BARHL1: variants seen among roughly 807,000 people sequenced by gnomAD.
The protein encoded by BARHL1 is BarH like homeobox 1.
Under a neutral mutation model 20.1 loss-of-function variants are expected in BARHL1, and 2 were observed. The observed-to-expected ratio is 0.10, with a 90% CI of 0.04 to 0.31. BARHL1 has a LOEUF of 0.31. Ranked by LOEUF, BARHL1 falls within the 10% of genes least tolerant of loss-of-function variation. The probability of loss-of-function intolerance (pLI) is 1.00; values close to 1 mark genes in which losing one functional copy is unlikely to be tolerated. For missense variants in BARHL1, 397 were observed against 454.0 expected (o/e 0.87, Z 1.14); for synonymous variants, 213 against 209.9 (o/e 1.01, Z -0.13).
chr9:132,589,515 C>G lies in BARHL1; in HGVS notation c.977C>G (p.Pro326Arg). ...GGCGTCCTCCCACGCGCCGCGCAGC[C>G]TCGGTGAGGCGCCCGTCGGCTCCGG... ...LAGVLPRAAQ[P>R]R Residue 326 changes from proline (P) to arginine (R), a missense_variant, in exon 3 of 3, where the codon CCT becomes CGT. Pro to Arg is a moderately radical substitution (Grantham distance 103). Coordinates refer to ENST00000263610, the MANE Select transcript of BARHL1 (RefSeq NM_020064.4). The G allele has an allele frequency of 7.5e-7, 1 of 1,331,296 alleles. No individual in the cohort carries two copies. The highest frequency in any genetic ancestry group is 9.6e-7 in the Non-Finnish European group (1 of 1,044,668). The allele number at this position is 1,331,296 out of a possible 1,614,324, so 82.5% of individuals were successfully genotyped here.
rs755944094 is a variant in BARHL1 at position 132,582,848 on chromosome 9, G to A, written c.51G>A (p.Ala17=). The A allele has an allele frequency of 1.2e-5, 19 of 1,608,758 alleles. No homozygotes were observed. The highest frequency in any genetic ancestry group is 1.0e-4 in the Admixed American group (6 of 59,904). ...FGIDSILSHR[A]GSPALPKGDP... Reference sequence around the variant, plus strand: ...TCGACTCCATTCTCTCCCACCGCGCGGGCAGCCCCGCCCTTCCCAAGGGGG... The same window carrying A: ...TCGACTCCATTCTCTCCCACCGCGCAGGCAGCCCCGCCCTTCCCAAGGGGG... The change falls in exon 1 of 3, where the codon GCG becomes GCA. Residue 17 remains alanine (A), a synonymous_variant. Transcript: ENST00000263610.
chr9:132,583,645 G>T (rs576799070), intron 1 of BARHL1, among the ~76,000 whole-genome samples: 16 of 152,336 alleles, frequency 1.1e-4, no homozygotes, highest in African/African-American at 3.4e-4. Flanking sequence ...AGACTGAAAG[G>T]GTTCTGCTTT....
chr9:132,583,583 G>T (rs1457989874), intron 1 of BARHL1, among the ~76,000 whole-genome samples: 2 of 152,234 alleles, frequency 1.3e-5, no homozygotes, highest in Non-Finnish European at 2.9e-5. Context: ...ACAGGAGCAG[G>T]TCCCAATCAG....
rs774173389 is a variant in BARHL1, at chr9:132,587,365, G to T, written c.503G>T (p.Arg168Met). The T allele has an allele frequency of 6.2e-7, 1 of 1,610,932 alleles. No individual in the cohort carries two copies. Among genetic ancestry groups the T allele is most frequent in the East Asian group, 2.2e-5 (1 of 44,814 alleles). ...EEGDREISSS[R>M]DSPPVRLKKP... ...GGCGACCGCGAGATCTCCAGCTCCA[G>T]GGACAGTCCCCCGGTGCGCCTGAAA... The change falls in exon 2 of 3, where the codon AGG becomes ATG. Residue 168 changes from arginine (R) to methionine (M), a missense_variant. Physicochemically the swap from Arg to Met is moderately conservative, Grantham distance 91. Transcript: ENST00000263610. The surrounding 1 kb of genome is among the most constrained non-coding windows in gnomAD (Gnocchi z 5.5).
chr9:132,582,733 G>T lies in BARHL1; in HGVS notation c.-65G>T. ...ATGCCAGCCCGCAGCTAGGGGCAGG[G>T]GCAGCGGCGGCTGGGGTTGGGGGTG... On this transcript the variant is annotated 5_prime_UTR_variant, in exon 1 of 3. Transcript: ENST00000263610. 7.2e-7 allele frequency: 1 copy of T among 1,391,326 alleles called. No homozygotes were observed. The highest frequency in any genetic ancestry group is 1.4e-5 in the South Asian group (1 of 71,082). 86.2% of individuals were successfully genotyped at this position (1,391,326 alleles called of 1,614,324 possible).
Position 132,589,755 on chromosome 9 carries a change from G to C in BARHL1, c.*233G>C, listed in dbSNP as rs953414761. The C allele has an allele frequency of 4.2e-6, 2 of 477,074 alleles. No homozygotes were observed. The highest frequency in any genetic ancestry group is 8.7e-5 in the East Asian group (2 of 23,050). 29.6% of individuals were successfully genotyped at this position (477,074 alleles called of 1,614,324 possible). On this transcript the variant is annotated 3_prime_UTR_variant, in exon 3 of 3. Transcript: ENST00000263610. ...GTCCTCTCTCGCGGCCGCTCTGTCC[G>C]GGAGCCATCCCCACCCGCCGGGTGT...
In BARHL1 at chr9:132,589,679, A is replaced by C; in HGVS notation, c.*157A>C. On this transcript the variant is annotated 3_prime_UTR_variant, in exon 3 of 3. Transcript: ENST00000263610. ...AGTGCCCCCCGAAGGGCCAAATGCC[A>C]AGTCCACTGAGGCCCGGACCCCGGA... 1.9e-6 allele frequency: 2 copies of C among 1,033,128 alleles called. No homozygotes were observed. Among genetic ancestry groups the C allele is most frequent in the Non-Finnish European group, 2.5e-6 (2 of 814,954 alleles). The allele number at this position is 1,033,128 out of a possible 1,614,324, so 64.0% of individuals were successfully genotyped here. A position where few individuals can be genotyped will look rare whatever the true frequency, so the allele number is the denominator to read the frequency against.
At chr9:132,585,841 G>A (rs1233308765) in intron 1 of BARHL1, among the ~76,000 whole-genome samples, 3 of 152,230 alleles carry the variant, frequency 2.0e-5, no homozygotes, top group Admixed American at 6.5e-5. Context: ...CCTGAGAAGC[G>A]GGGGATTTTC....
Position 132,582,734 on chromosome 9 carries a change from G to A in BARHL1, c.-64G>A. On this transcript the variant is annotated 5_prime_UTR_variant, in exon 1 of 3. Transcript: ENST00000263610. Reference sequence around the variant, plus strand: ...TGCCAGCCCGCAGCTAGGGGCAGGGGCAGCGGCGGCTGGGGTTGGGGGTGG... The same window carrying A: ...TGCCAGCCCGCAGCTAGGGGCAGGGACAGCGGCGGCTGGGGTTGGGGGTGG... The A allele has an allele frequency of 7.2e-7, 1 of 1,393,728 alleles. No homozygotes were observed. The highest frequency in any genetic ancestry group is 2.2e-5 in the Admixed American group (1 of 46,042). The allele number at this position is 1,393,728 out of a possible 1,614,324, so 86.3% of individuals were successfully genotyped here.
chr9:132,585,803 C>A (rs778272547), intron 1 of BARHL1, among the ~76,000 whole-genome samples: 2 of 152,230 alleles, frequency 1.3e-5, no homozygotes, highest in Non-Finnish European at 2.9e-5. Flanking sequence ...AAACTGAATA[C>A]CTCCCGACCT....
Sources: allele counts gnomAD v4.1 joint callset (sites outside exome capture counted in the v4.1 genomes callset), GRCh38; gene constraint gnomAD v4.1.1; non-coding constraint Gnocchi (gnomAD v3.1); transcripts MANE v1.5; gene names NCBI Gene and HGNC (gene_info 2026-07-23, HGNC 2026-07-21).